Variants in PDGFRA observed in about 807,000 individuals in gnomAD.
PDGFRA encodes platelet derived growth factor receptor alpha.
A neutral mutation model predicts 121.5 loss-of-function variants in PDGFRA; 25 were observed. That is an observed-to-expected ratio of 0.21 (90% CI 0.15 to 0.29). The LOEUF (loss-of-function observed/expected upper bound fraction) is 0.29. Among genes scored for constraint, PDGFRA ranks in the 10% least tolerant of loss-of-function variants. The probability of loss-of-function intolerance (pLI) is 1.00; values close to 1 mark genes in which losing one functional copy is unlikely to be tolerated. For synonymous variants in PDGFRA, 463 were observed against 494.8 expected (o/e 0.94, Z 0.85); for missense variants, 1,008 against 1,345.1 (o/e 0.75, Z 3.92).
At chr4:54,285,039 A>C (rs1305779787) in intron 16 of PDGFRA, among the ~76,000 whole-genome samples, 1 of 151,670 alleles carries the variant, frequency 6.6e-6, no homozygotes, top group African/African-American at 2.4e-5. Context: ...GATTACAGGC[A>C]CATGCCACCA....
intron 1 of PDGFRA, among the ~76,000 whole-genome samples, chr4:54,256,376 G>A (rs1722371950): frequency 6.6e-6 from 1 of 151,814 alleles, no homozygotes; most frequent in Non-Finnish European, 1.5e-5. Flanking sequence ...GCTGGAATTA[G>A]AGGCGCACAC....
At chr4:54,264,846 A>AG in intron 4 of PDGFRA, 73 bp from the exon 5 acceptor site, 1 of 1,452,700 alleles carries the variant, frequency 6.9e-7, no homozygotes, top group East Asian at 2.3e-5. Context: ...AAAAAAAAAA[A>AG]AAAAACCCAA....
At chr4:54,261,922 TATA>T (rs1480938374) in intron 3 of PDGFRA, among the ~76,000 whole-genome samples, 4 of 72,688 alleles carry the variant, frequency 5.5e-5, no homozygotes, top group Admixed American at 1.7e-4. Context: ...TATATATATA[TATA>T]TATATATTTT....
At position 54,267,692 on chromosome 4, in the gene PDGFRA, G is replaced by C; in HGVS notation, c.1072G>C (p.Glu358Gln). 6.2e-7 allele frequency: 1 copy of C among 1,614,068 alleles called. No individual in the cohort carries two copies. Among genetic ancestry groups the C allele is most frequent in the Admixed American group, 1.7e-5 (1 of 60,008 alleles). ...SWLKNNLTLI[E>Q]NLTEITTDVE... ...GCTGAAAAACAATCTGACTCTGATT[G>C]AAAATCTCACTGAGATCACCACTGA... The change falls in exon 7 of 23, where the codon GAA becomes CAA. Residue 358 changes from glutamate to glutamine, a missense_variant. Glu to Gln is a conservative substitution (Grantham distance 29). Coordinates refer to ENST00000257290, the MANE Select transcript of PDGFRA (RefSeq NM_006206.6).
At chr4:54,261,916 TA>T (rs1560467571) in intron 3 of PDGFRA, among the ~76,000 whole-genome samples, 75 of 69,814 alleles carry the variant, frequency 1.1e-3, no homozygotes, top group African/African-American at 2.4e-3. Context: ...TATATATATA[TA>T]TATATATATA....
At chr4:54,231,188 T>C (rs971305282) in intron 1 of PDGFRA, among the ~76,000 whole-genome samples, 2 of 152,196 alleles carry the variant, frequency 1.3e-5, no homozygotes, top group Admixed American at 6.5e-5. Context: ...CTGGAAGAAC[T>C]TGCCACTCAC....
In PDGFRA at chr4:54,273,701, A is replaced by C. The variant is rs775985327; in HGVS notation, c.1529A>C (p.Glu510Ala). The C allele has an allele frequency of 2.5e-6, 4 of 1,613,670 alleles. No individual in the cohort carries two copies. Among genetic ancestry groups the C allele is most frequent in the East Asian group, 2.2e-5 (1 of 44,880 alleles). ...CTGGCTAAGAATCTCCTTGGAGCTG[A>C]GAACCGAGAGCTGAAGCTGGTGGCT... ...RCLAKNLLGA[E>A]NRELKLVAPT... is the part of the protein sequence containing the mutation. Residue 510 changes from glutamate to alanine, a missense_variant, in exon 10 of 23, where the codon GAG becomes GCG. Glu to Ala is a moderately radical substitution (Grantham distance 107). This residue lies in a region of PDGFRA where 575 missense variants were observed against 701.8 expected (regional missense o/e 0.82). Transcript: ENST00000257290.
chr4:54,272,148 CT>C (rs1723436052), intron 8 of PDGFRA, among the ~76,000 whole-genome samples: 1 of 151,430 alleles, frequency 6.6e-6, no homozygotes, highest in South Asian at 2.1e-4. Context: ...CAACCATGGA[CT>C]TTTCACTTTC....
chr4:54,281,629 C>T, intron 16 of PDGFRA: 2 of 1,359,000 alleles, frequency 1.5e-6, no homozygotes, highest in Non-Finnish European at 1.9e-6. Flanking sequence ...CTGAGTCATG[C>T]TCAGGCCCAA....
chr4:54,253,067 G>A (rs1327351248), intron 1 of PDGFRA, among the ~76,000 whole-genome samples: 1 of 151,936 alleles, frequency 6.6e-6, no homozygotes, highest in African/African-American at 2.4e-5. Flanking sequence ...GCCACACCAG[G>A]CTGGAGGTAA....
Position 54,290,436 on chromosome 4 carries a change from G to T in PDGFRA, c.3004G>T (p.Asp1002Tyr), listed in dbSNP as rs200676118. 2 of 1,614,020 alleles carry T rather than the reference G, an allele frequency of 1.2e-6. No individual in the cohort carries two copies. The highest frequency in any genetic ancestry group is 1.7e-6 in the Non-Finnish European group (2 of 1,179,968). ...TYKNEEDKLK[D>Y]WEGGLDEQRL... ...CAAAAACGAGGAAGACAAGCTGAAG[G>T]ACTGGGAGGGTGGTCTGGATGAGCA... Residue 1002 changes from aspartate (D) to tyrosine (Y), a missense_variant, in exon 22 of 23, where the codon GAC becomes TAC. This residue lies in a region of PDGFRA where 204 missense variants were observed against 243.0 expected (regional missense o/e 0.84). Coordinates refer to ENST00000257290, the MANE Select transcript of PDGFRA (RefSeq NM_006206.6).
At chr4:54,256,922 G>T (rs1722405246) in intron 1 of PDGFRA, among the ~76,000 whole-genome samples, 1 of 152,070 alleles carries the variant, frequency 6.6e-6, no homozygotes, top group Non-Finnish European at 1.5e-5. Context: ...TAGGCATGGG[G>T]GTCAGCTCAG....
At chr4:54,232,006 G>T (rs865936315) in intron 1 of PDGFRA, among the ~76,000 whole-genome samples, 21 of 152,246 alleles carry the variant, frequency 1.4e-4, no homozygotes, top group African/African-American at 4.3e-4. Flanking sequence ...TGGGCGGCGC[G>T]CAGCGGCGGG....
chr4:54,276,461 A>G (rs1372834952), intron 12 of PDGFRA, among the ~76,000 whole-genome samples: 1 of 152,204 alleles, frequency 6.6e-6, no homozygotes, highest in African/African-American at 2.4e-5. Context: ...AGGAGAATCC[A>G]TGGGGCGGTT....
chr4:54,271,023 GGT>G (rs1407610973), intron 8 of PDGFRA, among the ~76,000 whole-genome samples: 2 of 152,078 alleles, frequency 1.3e-5, no homozygotes, highest in African/African-American at 4.8e-5. Context: ...TGCTCAGGCT[GGT>G]CTCCTGGGTT....
At chr4:54,237,096 G>A (rs1721059347) in intron 1 of PDGFRA, among the ~76,000 whole-genome samples, 1 of 152,038 alleles carries the variant, frequency 6.6e-6, no homozygotes, top group Non-Finnish European at 1.5e-5. Context: ...AGCCTCCCGA[G>A]TAGCTGGGAT....
At chr4:54,279,905 C>CAT (rs926969812) in intron 15 of PDGFRA, among the ~76,000 whole-genome samples, 87 of 150,832 alleles carry the variant, frequency 5.8e-4, no homozygotes, top group African/African-American at 1.7e-3. Flanking sequence ...AGCTGAGTTA[C>CAT]ATATATATAT....
At position 54,288,993 on chromosome 4, in the gene PDGFRA, A is replaced by T. The variant is rs773056599; in HGVS notation, c.2775-16A>T. 1.6e-5 allele frequency: 25 copies of T among 1,580,082 alleles called. No homozygotes were observed. In the Admixed American group the frequency reaches 4.0e-4, roughly 25 times the overall value. On this transcript the variant is annotated splice_polypyrimidine_tract_variant and intron_variant, in intron 20 of 22. Transcript: ENST00000257290. ...AGACTTCCCCCTGTGCCCACTCTTG[A>T]GTTCTGTCCCCACAGCTACGAGATC...
intron 1 of PDGFRA, among the ~76,000 whole-genome samples, chr4:54,258,415 G>A (rs1309046500): frequency 6.6e-6 from 1 of 152,050 alleles, no homozygotes; most frequent in Non-Finnish European, 1.5e-5. Flanking sequence ...TAATTGAAAC[G>A]TGAAAATCAG....
Sources: allele counts gnomAD v4.1 joint callset (sites outside exome capture counted in the v4.1 genomes callset), GRCh38; gene constraint gnomAD v4.1.1; regional missense constraint gnomAD v4.1.1; transcripts MANE v1.5; gene names NCBI Gene and HGNC (gene_info 2026-07-23, HGNC 2026-07-21).